The following UNC79 variants were observed in gnomAD, a reference collection of about 807,000 sequenced individuals.
UNC79 encodes the protein unc-79 subunit of NALCN channel complex, also known as protein unc-79 homolog.
UNC79 carries 37 observed loss-of-function variants against 283.1 expected under a neutral mutation model. That is an observed-to-expected ratio of 0.13 (90% CI 0.10 to 0.17). The LOEUF is 0.17. UNC79 is among the 10% of genes least tolerant of loss of function. The pLI, the probability that UNC79 is intolerant of heterozygous loss-of-function variation, is 1.00. For missense variants in UNC79, 2,272 were observed against 3,211.1 expected, an observed-to-expected ratio of 0.71 and a Z score of 7.07; for synonymous variants, 1,107 against 1,200.2, an observed-to-expected ratio of 0.92 and a Z score of 1.61.
chr14:93,427,426 TAAA>T (rs1414748687), upstream of UNC79, among the ~76,000 whole-genome samples: 1 of 152,150 alleles, frequency 6.6e-6, no homozygotes, highest in South Asian at 2.1e-4. Flanking sequence ...TATAGAAAAT[TAAA>T]AAACATGTAA....
intron 19 of UNC79, among the ~76,000 whole-genome samples, chr14:93,581,841 C>G (rs886862612): frequency 1.3e-5 from 2 of 152,154 alleles, no homozygotes; most frequent in African/African-American, 4.8e-5. Context: ...CCTTCCTAAT[C>G]AAGTCCTGTT....
chr14:93,461,715 G>A (rs896098940), intron 1 of UNC79, among the ~76,000 whole-genome samples: 37 of 152,078 alleles, frequency 2.4e-4, no homozygotes, highest in African/African-American at 7.7e-4. Context: ...GACAGTCAAC[G>A]GTCACCTAAA....
intron 1 of UNC79, among the ~76,000 whole-genome samples, chr14:93,378,100 A>G (rs1271710263): frequency 6.6e-6 from 1 of 152,214 alleles, no homozygotes; most frequent in Non-Finnish European, 1.5e-5. Context: ...AGGACTGTCA[A>G]CCAATTTTGA....
intron 1 of UNC79, among the ~76,000 whole-genome samples, chr14:93,462,411 G>A (rs1471588064): frequency 1.3e-5 from 2 of 152,220 alleles, no homozygotes; most frequent in African/African-American, 4.8e-5. Context: ...AGGAGGATTT[G>A]GGATTTTGTC....
rs565151108 is a variant in UNC79 at position 93,629,909 on chromosome 14, A to G, written c.5609-892A>G. 1.6e-4 allele frequency among the ~76,000 whole-genome samples: 25 copies of G among 152,346 alleles called. No homozygotes were observed. The East Asian group carries it at 2.7e-3, about 16-fold the overall frequency. The stretch of plus-strand genomic sequence containing the variant: ...GCAAGATGCTCAGTATATTCACTGC[A>G]TGGTGCTGCCTAAGATGGCAACAAG... On this transcript the variant is annotated intron_variant, in intron 30 of 48. Coordinates refer to ENST00000555664, the Ensembl canonical transcript of UNC79.
exon 4 of UNC79, chr14:93,477,637 C>T: frequency 6.2e-7 from 1 of 1,613,244 alleles, no homozygotes; most frequent in Non-Finnish European, 8.5e-7. Context: ...CTTTGCCCTA[C>T]ACGATGATAT....
intron 47 of UNC79, among the ~76,000 whole-genome samples, chr14:93,702,858 T>C (rs1157988197): frequency 2.0e-5 from 3 of 152,350 alleles, no homozygotes; most frequent in Admixed American, 6.5e-5. Context: ...CTCTGGACCA[T>C]TGAGGCAACC....
chr14:93,619,448 C>T lies in UNC79; in HGVS notation c.4387+1094C>T, dbSNP rs151118106. Among the ~76,000 whole-genome samples the T allele has an allele frequency of 2.6e-5, 4 of 152,098 alleles. No individual in the cohort carries two copies. The East Asian group carries it at 5.8e-4, about 22-fold the overall frequency. On this transcript the variant is annotated intron_variant, in intron 29 of 48. Transcript: ENST00000555664. ...TTTCAAAGTTATGTAATGCAAGTCACGTAACTATTGGTTGGAAAAACTGCA... is the reference window on the plus strand; with the variant it reads ...TTTCAAAGTTATGTAATGCAAGTCATGTAACTATTGGTTGGAAAAACTGCA...
rs986742695 is a variant in UNC79 at position 93,540,258 on chromosome 14, G to C, written c.1353-402G>C. On this transcript the variant is annotated intron_variant, in intron 12 of 48. Coordinates refer to ENST00000555664, the Ensembl canonical transcript of UNC79. ...AGATGGTGAATATTTTTCCATTTGGGCACAAGCTCCTCAACCTTTCCTTGT... is the reference window on the plus strand; with the variant it reads ...AGATGGTGAATATTTTTCCATTTGGCCACAAGCTCCTCAACCTTTCCTTGT... Among the ~76,000 whole-genome samples, 4 of 152,252 alleles carry C rather than the reference G, an allele frequency of 2.6e-5. No homozygotes were observed. In the South Asian group the frequency reaches 6.2e-4, roughly 24 times the overall value.
intron 19 of UNC79, among the ~76,000 whole-genome samples, chr14:93,581,328 A>G (rs1340873603): frequency 6.6e-6 from 1 of 151,324 alleles, no homozygotes; most frequent in Non-Finnish European, 1.5e-5. Flanking sequence ...GCATGCCACC[A>G]TGCCTGGATA....
chr14:93,661,253 T>C (rs1019265553), intron 39 of UNC79, among the ~76,000 whole-genome samples: 1 of 152,230 alleles, frequency 6.6e-6, no homozygotes, highest in Non-Finnish European at 1.5e-5. Flanking sequence ...AAGAATTAAA[T>C]GGCACTGAGA....
At position 93,643,472 on chromosome 14, in the gene UNC79, T is replaced by C; in HGVS notation, c.5904-85T>C. The C allele has an allele frequency of 1.9e-6, 3 of 1,604,784 alleles. No individual in the cohort carries two copies. In the South Asian group the frequency reaches 3.3e-5, roughly 18 times the overall value. On this transcript the variant is annotated intron_variant, in intron 33 of 48. Transcript: ENST00000555664. ...TTTTGGAGACTTTTCCAAGACCTAC[T>C]AAAAACAGCCGTGTGTGTAGTATAT...
rs188588125 is a variant in UNC79 at position 93,659,468 on chromosome 14, G to T, written c.6525+207G>T. Among the ~76,000 whole-genome samples, 71 of 152,260 alleles carry T rather than the reference G, an allele frequency of 4.7e-4. 1 individual carries two copies. The Middle Eastern group carries it at 0.017, about 36-fold the overall frequency. On this transcript the variant is annotated intron_variant, in intron 39 of 48. Transcript: ENST00000555664. ...AATGTCATGGTTTATAACTGGTCCT[G>T]CTAACCCTGGGCCATGCCCCCCAAT... is the stretch of plus-strand genomic sequence containing the variant.
At chr14:93,588,965 G>A (rs1458119041) in intron 22 of UNC79, among the ~76,000 whole-genome samples, 1 of 152,028 alleles carries the variant, frequency 6.6e-6, no homozygotes, top group Non-Finnish European at 1.5e-5. Flanking sequence ...AGTTTATAAC[G>A]GCTGACTTAA....
chr14:93,629,283 G>A (rs2067832171), intron 30 of UNC79, among the ~76,000 whole-genome samples: 1 of 152,140 alleles, frequency 6.6e-6, no homozygotes, highest in East Asian at 1.9e-4. Flanking sequence ...TTGAAAATTA[G>A]CTTTAAGCTT....
intron 14 of UNC79, among the ~76,000 whole-genome samples, chr14:93,559,650 C>T (rs569441853): frequency 6.6e-6 from 1 of 152,250 alleles, no homozygotes; most frequent in South Asian, 2.1e-4. Context: ...AGGAATTTCA[C>T]AAGGTAATGT....
chr14:93,683,911 G>A (rs894140775), intron 42 of UNC79, among the ~76,000 whole-genome samples: 4 of 150,930 alleles, frequency 2.7e-5, no homozygotes, highest in Non-Finnish European at 5.9e-5. Flanking sequence ...TATCTTTAAT[G>A]TATGTGACTT....
intron 14 of UNC79, among the ~76,000 whole-genome samples, chr14:93,568,296 C>G (rs1226647859): frequency 1.3e-5 from 2 of 152,112 alleles, no homozygotes; most frequent in Non-Finnish European, 2.9e-5. Flanking sequence ...GAGCCAAGCT[C>G]CATCCTTACT....
exon 1 of UNC79, chr14:93,333,241 C>CCGGGCGTCGGGTCGCTGGGAGG (rs1566873274): frequency 1.2e-5 from 5 of 400,272 alleles, no homozygotes; most frequent in Admixed American, 4.4e-5. Flanking sequence ...CGGCTGGGAG[C>CCGGGCGTCGGGTCGCTGGGAGG]CGGGCGTCGG....
Sources: allele counts gnomAD v4.1 joint callset (sites outside exome capture counted in the v4.1 genomes callset), GRCh38; gene constraint gnomAD v4.1.1; transcripts MANE v1.5; gene names NCBI Gene and HGNC (gene_info 2026-07-23, HGNC 2026-07-21).